The following CRB2 variants were observed in gnomAD, a reference collection of about 807,000 sequenced individuals.
The protein encoded by CRB2 is crumbs cell polarity complex component 2.
A neutral mutation model predicts 110.9 loss-of-function variants in CRB2; 85 were observed. The ratio of observed to expected loss-of-function variants is 0.77; its 90% CI spans 0.64 to 0.92. The LOEUF (loss-of-function observed/expected upper bound fraction) is 0.92. CRB2 is among the 40% of genes least tolerant of loss of function. CRB2 has a pLI of 0.00. For synonymous variants in CRB2, 907 were observed against 831.0 expected (o/e 1.09, Z -1.57); for missense variants, 1,843 against 1,851.3 (o/e 1.00, Z 0.08).
chr9:123,373,810 C>T lies in CRB2; in HGVS notation c.3279C>T (p.Ala1093=), dbSNP rs1267749565. The T allele has an allele frequency of 6.3e-7, 1 of 1,586,824 alleles. No individual in the cohort carries two copies. Among genetic ancestry groups the T allele is most frequent in the South Asian group, 1.1e-5 (1 of 89,102 alleles). The change falls in exon 10 of 13, where the codon GCC becomes GCT. Residue 1093 remains alanine, a synonymous_variant. Coordinates refer to ENST00000373631, the MANE Select transcript of CRB2 (RefSeq NM_173689.7). ...GGTGGGAAGGCCCGCGCTGCGAAGC[C>T]CACGTCGACCCCTGTCACTCCGCCC... ...GPGWEGPRCE[A]HVDPCHSAPC...
In CRB2 at chr9:123,373,841, G is replaced by A. The variant is rs777175567; in HGVS notation, c.3310G>A (p.Ala1104Thr). ...HVDPCHSAPC[A>T]RGRCHTHPDG... ...CGACCCCTGTCACTCCGCCCCCTGC[G>A]CCCGTGGCCGCTGTCACACGCACCC... Residue 1104 changes from alanine to threonine, a missense_variant, in exon 10 of 13, where the codon GCC becomes ACC. Transcript: ENST00000373631. 2.4e-5 allele frequency: 38 copies of A among 1,566,452 alleles called. No homozygotes were observed. In the Middle Eastern group the frequency reaches 8.3e-4, roughly 34 times the overall value.
intron 12 of CRB2, among the ~76,000 whole-genome samples, chr9:123,376,012 C>T (rs1378467454): frequency 6.6e-6 from 1 of 152,128 alleles, no homozygotes; most frequent in Non-Finnish European, 1.5e-5. Context: ...CACAAATCCC[C>T]TCCGCTTACG....
intron 1 of CRB2, among the ~76,000 whole-genome samples, chr9:123,360,587 T>C (rs1057385762): frequency 3.9e-5 from 6 of 152,128 alleles, no homozygotes; most frequent in Admixed American, 2.0e-4. Context: ...CAGGAGCAGG[T>C]TGCGATGCAG....
At chr9:123,361,299 G>A (rs1415209864) in intron 1 of CRB2, among the ~76,000 whole-genome samples, 1 of 152,224 alleles carries the variant, frequency 6.6e-6, no homozygotes, top group African/African-American at 2.4e-5. Context: ...CCAGGGCTGT[G>A]CCCTGCATCA....
Position 123,371,125 on chromosome 9 carries a change from G to C in CRB2, c.1983G>C (p.Leu661=). The C allele has an allele frequency of 6.2e-7, 1 of 1,613,478 alleles. No individual in the cohort carries two copies. The highest frequency in any genetic ancestry group is 8.5e-7 in the Non-Finnish European group (1 of 1,180,018). Residue 661 remains leucine (L), a synonymous_variant, in exon 8 of 13, where the codon CTG becomes CTC. Coordinates refer to ENST00000373631, the MANE Select transcript of CRB2 (RefSeq NM_173689.7). Reference sequence around the variant, plus strand: ...GCGCCCCAAGCTCTGCCTCCTTTCTGCTCCAAGAGCTGCCAGGTCCCAACC... The same window carrying C: ...GCGCCCCAAGCTCTGCCTCCTTTCTCCTCCAAGAGCTGCCAGGTCCCAACC... ...LGGAPSSASF[L]LQELPGPNLT... is the part of the protein sequence containing the mutation.
At position 123,367,043 on chromosome 9, in the gene CRB2, T is replaced by A. The variant is rs528705727; in HGVS notation, c.755-129T>A. The stretch of plus-strand genomic sequence containing the variant: ...GGTCATTCCTGCGGCCCTTAGTGTG[T>A]CCCTCCCTCGCCATTCGTGGCTTAT... On this transcript the variant is annotated intron_variant, in intron 4 of 12. Coordinates refer to ENST00000373631, the MANE Select transcript of CRB2 (RefSeq NM_173689.7). 2.5e-3 allele frequency: 2,240 copies of A among 912,430 alleles called. 14 individuals are homozygous for A. Among genetic ancestry groups the A allele is most frequent in the South Asian group, 3.8e-3 (211 of 55,394 alleles). The allele number at this position is 912,430 out of a possible 1,614,324, so 56.5% of individuals were successfully genotyped here.
In CRB2 at chr9:123,373,608, T is replaced by TGGCGCGGCCCCGGCCC. The variant is rs879255251; in HGVS notation, c.3089_3104dup (p.Gly1036AlafsTer43). 1.6e-3 allele frequency: 2,210 copies of TGGCGCGGCCCCGGCCC among 1,374,380 alleles called. No individual in the cohort carries two copies. Among genetic ancestry groups the TGGCGCGGCCCCGGCCC allele is most frequent in the Non-Finnish European group, 2.0e-3 (2,096 of 1,069,946 alleles). 85.1% of individuals were successfully genotyped at this position (1,374,380 alleles called of 1,614,324 possible). On this transcript the variant is annotated frameshift_variant, in exon 10 of 13. Coordinates refer to ENST00000373631, the MANE Select transcript of CRB2 (RefSeq NM_173689.7). LOFTEE classifies it high-confidence loss of function. ...GCGCTGGGCGGCCTGCCCCTGCCCTTGGCGCGGCCCCGGCCCGGCGCGGCC... is the reference window on the plus strand; with the variant it reads ...GCGCTGGGCGGCCTGCCCCTGCCCTTGGCGCGGCCCCGGCCCGGCGCGGCCCCGGCCCGGCGCGGCC...
In CRB2 at chr9:123,370,747, G is replaced by T. The variant is rs1344457345; in HGVS notation, c.1694G>T (p.Gly565Val). The T allele has an allele frequency of 6.2e-7, 1 of 1,602,944 alleles. No individual in the cohort carries two copies. The highest frequency in any genetic ancestry group is 8.5e-7 in the Non-Finnish European group (1 of 1,179,752). Residue 565 changes from glycine to valine, a missense_variant, in exon 7 of 13, where the codon GGG becomes GTG. Coordinates refer to ENST00000373631, the MANE Select transcript of CRB2 (RefSeq NM_173689.7). ...GCTTCGGCAACTCCGCTGCCTGCCG[G>T]GATCTCCTCTGCCCAGCTGGGGGAC... ...STASATPLPA[G>V]ISSAQLGDAT... is the part of the protein sequence containing the mutation.
chr9:123,376,826 T>G lies in CRB2; in HGVS notation c.3634-12T>G, dbSNP rs1236733230. 2 of 1,600,618 alleles carry G rather than the reference T, an allele frequency of 1.2e-6. No homozygotes were observed. Among genetic ancestry groups the G allele is most frequent in the South Asian group, 2.2e-5 (2 of 88,950 alleles). ...TCTGCGGTCTTAGGCCTCGGTGTCGTGTCTCTTGCAGAAGGGCCTGCCCCT... is the reference window on the plus strand; with the variant it reads ...TCTGCGGTCTTAGGCCTCGGTGTCGGGTCTCTTGCAGAAGGGCCTGCCCCT... On this transcript the variant is annotated splice_polypyrimidine_tract_variant and intron_variant, in intron 12 of 12. Coordinates refer to ENST00000373631, the MANE Select transcript of CRB2 (RefSeq NM_173689.7).
chr9:123,366,405 G>A, intron 4 of CRB2, 39 bp downstream of exon 4: 1 of 1,517,026 alleles, frequency 6.6e-7, no homozygotes, highest in Non-Finnish European at 8.7e-7. Context: ...GGGGGGAGGG[G>A]TAGGTGTGCG....
Position 123,373,674 on chromosome 9 carries a change from CGG to C in CRB2, c.3144_3145del (p.Ala1049ProfsTer24). On this transcript the variant is annotated frameshift_variant, in exon 10 of 13. Transcript: ENST00000373631. LOFTEE classifies it high-confidence loss of function. ...CACTTCGCGTCTTGGCCTGGGACGC[CGG>C]CCCCGATCCTCGGCTGCCGCGGCGC... 1 of 1,450,724 alleles carries C rather than the reference CGG, an allele frequency of 6.9e-7. No individual in the cohort carries two copies. The highest frequency in any genetic ancestry group is 9.0e-7 in the Non-Finnish European group (1 of 1,110,852). The allele number at this position is 1,450,724 out of a possible 1,614,324, so 89.9% of individuals were successfully genotyped here. A position where few individuals can be genotyped will look rare whatever the true frequency, so the allele number is the denominator to read the frequency against.
chr9:123,377,623 G>GGCT lies in CRB2; in HGVS notation c.*565_*567dup, dbSNP rs1339769311. 6.6e-6 allele frequency: 1 copy of GGCT among 152,410 alleles called. No individual in the cohort carries two copies. Among genetic ancestry groups the GGCT allele is most frequent in the African/African-American group, 2.4e-5 (1 of 41,464 alleles). The allele number at this position is 152,410 out of a possible 1,614,324, so 9.4% of individuals were successfully genotyped here. ...AGGCACCTCCTTCCCCGCCTCTGGG[G>GGCT]GCTGCTCCTGCTGTGGAGGCAGCTG... On this transcript the variant is annotated 3_prime_UTR_variant, in exon 13 of 13. Transcript: ENST00000373631.
chr9:123,356,399 C>CTTGGGGGACAGA, intron 1 of CRB2, 45 bp downstream of exon 1: 1 of 1,430,656 alleles, frequency 7.0e-7, no homozygotes, highest in Non-Finnish European at 9.4e-7. Context: ...GAGGGTCTGT[C>CTTGGGGGACAGA]CCCCAAGACA....
chr9:123,374,773 G>A (rs758362839), intron 11 of CRB2, 78 bp downstream of exon 11: 20 of 999,510 alleles, frequency 2.0e-5, no homozygotes, highest in Non-Finnish European at 2.7e-5. Context: ...GTGGGGCGGG[G>A]GTCCTCGCCC....
chr9:123,370,259 C>T lies in CRB2; in HGVS notation c.1206C>T (p.Gly402=). 1.2e-6 allele frequency: 2 copies of T among 1,613,290 alleles called. No individual in the cohort carries two copies. The highest frequency in any genetic ancestry group is 1.7e-6 in the Non-Finnish European group (2 of 1,180,016). Residue 402 remains glycine (G), a synonymous_variant, in exon 7 of 13, where the codon GGC becomes GGT. Transcript: ENST00000373631. ...CTGTGCAGCTCACTGGCTGCCAGGG[C>T]CACACCTGCCCGCTGGCTGCCACCT... ...DCSVQLTGCQ[G]HTCPLAATCI...
chr9:123,357,353 G>T (rs1339480483), intron 1 of CRB2, among the ~76,000 whole-genome samples: 1 of 151,992 alleles, frequency 6.6e-6, no homozygotes, highest in Admixed American at 6.5e-5. Flanking sequence ...GCCAAGGAGG[G>T]CCTGGGCTCT....
rs2041929902 is a variant in CRB2, at chr9:123,366,244, CG to C, written c.635del (p.Gly212AlafsTer232). On this transcript the variant is annotated frameshift_variant, in exon 4 of 13. Coordinates refer to ENST00000373631, the MANE Select transcript of CRB2 (RefSeq NM_173689.7). LOFTEE classifies it high-confidence loss of function. ...CTCCCCAGGTTCCGGTGCGACTGCG[CG>C]GGCACCGGCTACGAGGGCACGCACT... ...DLVNGFRCDC[A>X]GTGYEGTHCE... The C allele has an allele frequency of 3.4e-6, 5 of 1,478,086 alleles. No individual in the cohort carries two copies. The African/African-American group carries it at 5.8e-5, about 17-fold the overall frequency. 91.6% of individuals were successfully genotyped at this position (1,478,086 alleles called of 1,614,324 possible).
At chr9:123,375,095 C>A (rs2042082945) in intron 11 of CRB2, 122 bp from the exon 12 acceptor site, 9 of 1,438,184 alleles carry the variant, frequency 6.3e-6, no homozygotes, top group Non-Finnish European at 7.6e-6. Context: ...AGGAGCAGCG[C>A]ATGGGGACAG....
chr9:123,363,136 C>CA lies in CRB2; in HGVS notation c.366_367insA (p.Cys123MetfsTer159), dbSNP rs751285361. ...CCCGGCCGTGCCACCATGGGGCCACCTGCCGCAACCTGGCCGATCGCTACG... is the reference window on the plus strand; with the variant it reads ...CCCGGCCGTGCCACCATGGGGCCACCATGCCGCAACCTGGCCGATCGCTACG... On this transcript the variant is annotated frameshift_variant, in exon 2 of 13. Transcript: ENST00000373631. LOFTEE classifies it high-confidence loss of function. 2 of 1,611,034 alleles carry CA rather than the reference C, an allele frequency of 1.2e-6. No homozygotes were observed. The highest frequency in any genetic ancestry group is 1.7e-6 in the Non-Finnish European group (2 of 1,179,370).
Sources: gnomAD v4.1 joint callset for allele counts (sites outside exome capture counted in the v4.1 genomes callset) on GRCh38, gnomAD v4.1.1 for gene constraint, MANE v1.5 for transcripts, NCBI Gene and HGNC (gene_info 2026-07-23, HGNC 2026-07-21) for gene names.